Variants in CYYR1 observed in about 807,000 individuals in gnomAD.
The protein encoded by CYYR1 is cysteine and tyrosine-rich protein 1.
Under a neutral mutation model 15.2 loss-of-function variants are expected in CYYR1, and 14 were observed. The observed-to-expected ratio is 0.92, with a 90% confidence interval of 0.61 to 1.44. The LOEUF (loss-of-function observed/expected upper bound fraction) is 1.44, where lower values mean the gene tolerates loss of function less well. CYYR1 is among the 40% of genes most tolerant of loss of function. The probability of loss-of-function intolerance (pLI) is 0.00; values close to 1 mark genes in which losing one functional copy is unlikely to be tolerated. For missense variants in CYYR1, 228 were observed against 209.5 expected (o/e 1.09, Z -0.54); for synonymous variants, 80 against 77.4 (o/e 1.03, Z -0.18).
chr21:26,492,181 CTAA>C (rs1321626285), intron 2 of CYYR1, among the ~76,000 whole-genome samples: 2 of 152,204 alleles, frequency 1.3e-5, no homozygotes, highest in African/African-American at 2.4e-5. Context: ...ATAGATGCTG[CTAA>C]TACACAGCTC....
intron 2 of CYYR1, among the ~76,000 whole-genome samples, chr21:26,518,782 A>AT (rs1260628373): frequency 2.0e-5 from 3 of 152,196 alleles, no homozygotes; most frequent in Admixed American, 2.0e-4. Context: ...GCTTCAATAA[A>AT]TTTTGATCCC....
At chr21:26,529,992 G>C (rs1204461485) in intron 2 of CYYR1, among the ~76,000 whole-genome samples, 1 of 152,146 alleles carries the variant, frequency 6.6e-6, no homozygotes, top group Non-Finnish European at 1.5e-5. Context: ...TATATCAACG[G>C]AAATACTGAC....
intron 2 of CYYR1, among the ~76,000 whole-genome samples, chr21:26,534,366 T>C (rs1447646879): frequency 1.3e-5 from 2 of 152,202 alleles, no homozygotes; most frequent in African/African-American, 4.8e-5. Context: ...ATTGCATCTC[T>C]ATTATGTGTT....
intron 2 of CYYR1, among the ~76,000 whole-genome samples, chr21:26,492,684 C>G (rs1422763135): frequency 2.0e-5 from 3 of 150,462 alleles, no homozygotes; most frequent in Non-Finnish European, 4.4e-5. Flanking sequence ...ACGAAGAGTT[C>G]TAGTGGCCAT....
chr21:26,563,394 A>T (rs62216531), intron 2 of CYYR1, among the ~76,000 whole-genome samples: 6,965 of 152,162 alleles, frequency 0.046, 200 homozygotes, highest in South Asian at 0.058. Flanking sequence ...CAACATGGTG[A>T]AAACCACTCT....
Position 26,562,799 on chromosome 21 carries a change from AACACAC to A in CYYR1, c.176+3461_176+3466del, listed in dbSNP as rs57351372. Among the ~76,000 whole-genome samples the A allele has an allele frequency of 3.1e-4, 41 of 132,488 alleles. 1 individual carries two copies. The highest frequency in any genetic ancestry group is 7.9e-4 in the South Asian group (3 of 3,788). The allele number at this position is 132,488 out of a possible 152,430, so 86.9% of individuals were successfully genotyped here. A position where few individuals can be genotyped will look rare whatever the true frequency, so the allele number is the denominator to read the frequency against. ...ACACACACACACAGAGACATACACA[AACACAC>A]ACACACACACACACACACACACACG... is the stretch of plus-strand genomic sequence containing the variant. On this transcript the variant is annotated intron_variant, in intron 2 of 3. Coordinates refer to ENST00000652641, the MANE Select transcript of CYYR1 (RefSeq NM_001320768.2).
chr21:26,543,909 AAAT>A (rs1025390142), intron 2 of CYYR1, among the ~76,000 whole-genome samples: 3 of 151,854 alleles, frequency 2.0e-5, no homozygotes, highest in Admixed American at 6.6e-5. Flanking sequence ...CCATCTCAAA[AAAT>A]AATAATAATA....
At chr21:26,554,629 C>T (rs1021614219) in intron 2 of CYYR1, among the ~76,000 whole-genome samples, 1 of 152,086 alleles carries the variant, frequency 6.6e-6, no homozygotes, top group African/African-American at 2.4e-5. Flanking sequence ...GCAGGTGGTA[C>T]TCTCCTGTTG....
intron 2 of CYYR1, chr21:26,482,487 A>G: frequency 1.0e-6 from 1 of 985,204 alleles, no homozygotes; most frequent in Non-Finnish European, 1.2e-6. Flanking sequence ...GTTCCCCTTG[A>G]GCCCTGTTTG....
chr21:26,557,618 A>T (rs919900720), intron 2 of CYYR1, among the ~76,000 whole-genome samples: 2 of 152,098 alleles, frequency 1.3e-5, no homozygotes, highest in African/African-American at 4.8e-5. Flanking sequence ...TGTATTCCTG[A>T]ATTTCCCTAA....
chr21:26,566,576 C>G (rs1309220464), intron 1 of CYYR1, among the ~76,000 whole-genome samples: 5 of 152,146 alleles, frequency 3.3e-5, no homozygotes, highest in African/African-American at 4.8e-5. Flanking sequence ...ACAAAGACAA[C>G]TCTTGAATCT....
intron 2 of CYYR1, among the ~76,000 whole-genome samples, chr21:26,531,734 G>A (rs764340730): frequency 5.3e-5 from 8 of 152,040 alleles, no homozygotes; most frequent in Admixed American, 1.3e-4. Context: ...GTGTGAGAAC[G>A]GGCTATGACA....
chr21:26,559,272 T>C (rs1980030452), intron 2 of CYYR1, among the ~76,000 whole-genome samples: 1 of 152,224 alleles, frequency 6.6e-6, no homozygotes, highest in Non-Finnish European at 1.5e-5. Flanking sequence ...ATGCCTTTTT[T>C]TGTGCACACA....
intron 2 of CYYR1, among the ~76,000 whole-genome samples, chr21:26,558,441 T>G (rs963671989): frequency 2.0e-5 from 3 of 152,140 alleles, no homozygotes; most frequent in African/African-American, 7.2e-5. Flanking sequence ...CACCTCAGCC[T>G]CCCGTGTAGC....
chr21:26,543,031 A>C (rs1037202561), intron 2 of CYYR1, among the ~76,000 whole-genome samples: 1 of 152,248 alleles, frequency 6.6e-6, no homozygotes, highest in African/African-American at 2.4e-5. Flanking sequence ...CTATAAAAAG[A>C]TTCAAGTTAA....
intron 2 of CYYR1, among the ~76,000 whole-genome samples, chr21:26,547,897 G>T (rs1979094335): frequency 7.0e-6 from 1 of 142,682 alleles, no homozygotes; most frequent in South Asian, 2.4e-4. Context: ...ATGAATAATG[G>T]AAGCATACAT....
At chr21:26,516,725 A>C (rs115966256) in intron 2 of CYYR1, among the ~76,000 whole-genome samples, 3,099 of 152,306 alleles carry the variant, frequency 0.02, 125 homozygotes, top group African/African-American at 0.071. Context: ...TTGCTTCAAA[A>C]TCCTTTGCTT....
chr21:26,545,713 G>C (rs1978924986), intron 2 of CYYR1, among the ~76,000 whole-genome samples: 1 of 151,464 alleles, frequency 6.6e-6, no homozygotes, highest in East Asian at 2.0e-4. Context: ...CCCAGTAGCT[G>C]GGACTACAGG....
intron 2 of CYYR1, among the ~76,000 whole-genome samples, chr21:26,539,462 C>T (rs1424042337): frequency 6.6e-6 from 1 of 152,056 alleles, no homozygotes; most frequent in Non-Finnish European, 1.5e-5. Context: ...AAAAATAGGC[C>T]CTAGGTTTTC....
Sources: gnomAD v4.1 joint callset for allele counts (sites outside exome capture counted in the v4.1 genomes callset) on GRCh38, gnomAD v4.1.1 for gene constraint, MANE v1.5 for transcripts, NCBI Gene and HGNC (gene_info 2026-07-23, HGNC 2026-07-21) for gene names.